Variants in TUBA4A observed in about 807,000 individuals in gnomAD.
TUBA4A encodes the protein tubulin alpha 4a, also known as tubulin alpha-4A chain.
TUBA4A carries 23 observed loss-of-function variants against 34.3 expected under a neutral mutation model. The ratio of observed to expected loss-of-function variants is 0.67; its 90% CI spans 0.48 to 0.95. The LOEUF is 0.95. TUBA4A is among the 40% of genes least tolerant of loss of function. The pLI is 0.00. For synonymous variants in TUBA4A, 216 were observed against 230.5 expected, an observed-to-expected ratio of 0.94 and a Z score of 0.57; for missense variants, 279 against 599.0, an observed-to-expected ratio of 0.47 and a Z score of 5.58.
upstream of TUBA4A, chr2:219,253,942 C>G: frequency 2.0e-6 from 2 of 1,017,236 alleles, no homozygotes; most frequent in Non-Finnish European, 1.3e-6. Flanking sequence ...CCGCACCGCC[C>G]TTATAGGCGG....
At position 219,250,052 on chromosome 2, in the gene TUBA4A, C is replaced by A. The variant is rs952880035; in HGVS notation, c.*300G>T. 47 of 361,294 alleles carry A rather than the reference C, an allele frequency of 1.3e-4. No homozygotes were observed. The highest frequency in any genetic ancestry group is 9.5e-4 in the African/African-American group (46 of 48,658). The allele number at this position is 361,294 out of a possible 1,614,324, so 22.4% of individuals were successfully genotyped here. Reference sequence around the variant, plus strand: ...ACTTGGAAAGGAGCTGAAGACTCATCCTTCAACAGTTTGTGCCTGGATTTT... The same window carrying A: ...ACTTGGAAAGGAGCTGAAGACTCATACTTCAACAGTTTGTGCCTGGATTTT... On this transcript the variant is annotated 3_prime_UTR_variant, in exon 4 of 4. Coordinates refer to ENST00000248437, the MANE Select transcript of TUBA4A (RefSeq NM_006000.3). The surrounding 1 kb of genome is among the most constrained non-coding windows in gnomAD (Gnocchi z 8.4).
Position 219,252,310 on chromosome 2 carries a change from C to A in TUBA4A, c.4-80G>T. On this transcript the variant is annotated intron_variant, in intron 1 of 3. Transcript: ENST00000248437. The surrounding 1 kb of genome is among the most constrained non-coding windows in gnomAD (Gnocchi z 4.1). ...CTTGCGAGTCTCTCTTCCACCCTATCATCTACCAGCTAGGATGACTCAGTT... is the reference window on the plus strand; with the variant it reads ...CTTGCGAGTCTCTCTTCCACCCTATAATCTACCAGCTAGGATGACTCAGTT... 1.5e-6 allele frequency: 2 copies of A among 1,318,294 alleles called. No homozygotes were observed. Among genetic ancestry groups the A allele is most frequent in the Admixed American group, 1.9e-5 (1 of 52,024 alleles). 81.7% of individuals were successfully genotyped at this position (1,318,294 alleles called of 1,614,324 possible).
At chr2:219,253,112 A>G in intron 1 of TUBA4A, 2 of 1,470,828 alleles carry the variant, frequency 1.4e-6, no homozygotes, top group Non-Finnish European at 9.2e-7. Flanking sequence ...GAGTCTTTAC[A>G]GTTATTTCCC....
At chr2:219,253,340 G>C in intron 1 of TUBA4A, 4 of 1,532,130 alleles carry the variant, frequency 2.6e-6, no homozygotes, top group Non-Finnish European at 3.5e-6. Flanking sequence ...GCTCAGACGC[G>C]GGGTGCTGAG....
rs897687526 is a variant in TUBA4A at position 219,252,709 on chromosome 2, T to C, written c.4-479A>G. 2.2e-6 allele frequency: 1 copy of C among 453,810 alleles called. No homozygotes were observed. The highest frequency in any genetic ancestry group is 3.3e-4 in the Middle Eastern group (1 of 2,992). The allele number at this position is 453,810 out of a possible 1,614,324, so 28.1% of individuals were successfully genotyped here. On this transcript the variant is annotated intron_variant, in intron 1 of 3. Transcript: ENST00000248437. The surrounding 1 kb of genome is among the most constrained non-coding windows in gnomAD (Gnocchi z 4.1). ...CCTCCTCCCTCACCTTTAAATCCCA[T>C]CTGGCTCTGGGGATCAATCCCATCT...
upstream of TUBA4A, chr2:219,253,941 C>A: frequency 8.4e-7 from 1 of 1,194,786 alleles, no homozygotes; most frequent in Non-Finnish European, 1.1e-6. Context: ...GCCGCACCGC[C>A]CTTATAGGCG....
In TUBA4A at chr2:219,251,494, A is replaced by T. The variant is rs1951646453; in HGVS notation, c.375+71T>A. On this transcript the variant is annotated intron_variant, in intron 3 of 3. Coordinates refer to ENST00000248437, the MANE Select transcript of TUBA4A (RefSeq NM_006000.3). The surrounding 1 kb of genome is among the most constrained non-coding windows in gnomAD (Gnocchi z 6.1). The stretch of plus-strand genomic sequence containing the variant: ...TAGTTAGAGATGACCTCCTGAAAGG[A>T]TCTGAAAAAAAATATTCCTGACCAT... The T allele has an allele frequency of 2.6e-6, 4 of 1,568,388 alleles. No homozygotes were observed. The highest frequency in any genetic ancestry group is 3.5e-6 in the Non-Finnish European group (4 of 1,153,338).
Position 219,253,234 on chromosome 2 carries a change from G to T in TUBA4A, c.3+622C>A. The T allele has an allele frequency of 2.7e-6, 4 of 1,494,882 alleles. No individual in the cohort carries two copies. The South Asian group carries it at 5.3e-5, about 20-fold the overall frequency. 92.6% of individuals were successfully genotyped at this position (1,494,882 alleles called of 1,614,324 possible). A position where few individuals can be genotyped will look rare whatever the true frequency, so the allele number is the denominator to read the frequency against. ...CTGGCCTCGGCCCGCGCAGTGCTCA[G>T]CGCCAGCTGTCTCTGCCCATCCGCG... On this transcript the variant is annotated intron_variant, in intron 1 of 3. Transcript: ENST00000248437.
Position 219,251,583 on chromosome 2 carries a change from C to T in TUBA4A, c.357G>A (p.Leu119=), listed in dbSNP as rs1559276568. 1.2e-6 allele frequency: 2 copies of T among 1,614,024 alleles called. No homozygotes were observed. Among genetic ancestry groups the T allele is most frequent in the South Asian group, 1.1e-5 (1 of 91,068 alleles). ...CTCTCACCAGCTTGCGGATCCGATC[C>T]AGCACTGGGTCAATGATCTCCTTGC... ...TIGKEIIDPV[L]DRIRKLSDQC... is the part of the protein sequence containing the mutation. Residue 119 remains leucine (L), a synonymous_variant, in exon 3 of 4, where the codon CTG becomes CTA. Coordinates refer to ENST00000248437, the MANE Select transcript of TUBA4A (RefSeq NM_006000.3). This position sits in a 1 kb window ranked among gnomAD's most constrained non-coding sequence, Gnocchi z 6.1.
chr2:219,253,338 G>A (rs572110487), intron 1 of TUBA4A: 3 of 1,531,880 alleles, frequency 2.0e-6, no homozygotes, highest in African/African-American at 2.8e-5. Context: ...CAGCTCAGAC[G>A]CGGGGTGCTG....
At chr2:219,253,337 C>G in intron 1 of TUBA4A, 4 of 1,530,356 alleles carry the variant, frequency 2.6e-6, no homozygotes, top group Non-Finnish European at 3.5e-6. Context: ...TCAGCTCAGA[C>G]GCGGGGTGCT....
rs1235266698 is a variant in TUBA4A at position 219,250,754 on chromosome 2, G to A, written c.945C>T (p.Cys315=). 1 of 1,614,256 alleles carries A rather than the reference G, an allele frequency of 6.2e-7. No individual in the cohort carries two copies. Among genetic ancestry groups the A allele is most frequent in the Non-Finnish European group, 8.5e-7 (1 of 1,180,048 alleles). Residue 315 remains cysteine, a synonymous_variant, in exon 4 of 4, where the codon TGC becomes TGT. Transcript: ENST00000248437. This position sits in a 1 kb window ranked among gnomAD's most constrained non-coding sequence, Gnocchi z 8.4. ...CDPRHGKYMA[C]CLLYRGDVVP... ...CCACATCTCCACGGTACAGCAGGCA[G>A]CAGGCCATGTACTTGCCGTGCCGGG... is the stretch of plus-strand genomic sequence containing the variant.
chr2:219,253,702 C>T (rs1951687330), intron 1 of TUBA4A, among the ~76,000 whole-genome samples, 154 bp downstream of exon 1: 1 of 152,232 alleles, frequency 6.6e-6, no homozygotes, highest in African/African-American at 2.4e-5. Flanking sequence ...CCAAAGTCAC[C>T]AGGAGGGGGT....
upstream of TUBA4A, chr2:219,254,082 G>C (rs565908522): frequency 6.5e-5 from 29 of 444,916 alleles, no homozygotes; most frequent in African/African-American, 4.7e-4. Flanking sequence ...CAAGCTGCGC[G>C]GGGGTCCCTC....
upstream of TUBA4A, chr2:219,254,312 C>G (rs1040276633): frequency 1.3e-5 from 2 of 156,170 alleles, no homozygotes; most frequent in African/African-American, 4.8e-5. Flanking sequence ...CCACAGCTGG[C>G]CTTCACCCCT....
chr2:219,253,750 G>T, intron 1 of TUBA4A, 106 bp downstream of exon 1: 1 of 1,377,704 alleles, frequency 7.3e-7, no homozygotes, highest in South Asian at 1.3e-5. Flanking sequence ...ACCTCCTGGA[G>T]ACCCGGAACG....
chr2:219,253,340 G>A, intron 1 of TUBA4A: 1 of 1,532,128 alleles, frequency 6.5e-7, no homozygotes, highest in Non-Finnish European at 8.7e-7. Context: ...GCTCAGACGC[G>A]GGGTGCTGAG....
Position 219,251,395 on chromosome 2 carries a change from T to A in TUBA4A, c.376-72A>T. The A allele has an allele frequency of 6.5e-7, 1 of 1,544,442 alleles. No homozygotes were observed. ...TGAGGGACTCTATCACCTGGCTCCA[T>A]AAAGCGTAAGATACATCAGCAGTCA... On this transcript the variant is annotated intron_variant, in intron 3 of 3. Coordinates refer to ENST00000248437, the MANE Select transcript of TUBA4A (RefSeq NM_006000.3). The surrounding 1 kb of genome is among the most constrained non-coding windows in gnomAD (Gnocchi z 6.1).
Position 219,251,089 on chromosome 2 carries a change from C to T in TUBA4A, c.610G>A (p.Val204Met). 6.2e-7 allele frequency: 1 copy of T among 1,614,188 alleles called. No homozygotes were observed. Among genetic ancestry groups the T allele is most frequent in the South Asian group, 1.1e-5 (1 of 91,078 alleles). ...TLEHSDCAFM[V>M]DNEAIYDICR... Reference sequence around the variant, plus strand: ...ATGTCATAGATTGCTTCGTTGTCCACCATGAAGGCACAGTCTGAGTGCTCC... The same window carrying T: ...ATGTCATAGATTGCTTCGTTGTCCATCATGAAGGCACAGTCTGAGTGCTCC... The change falls in exon 4 of 4, where the codon GTG becomes ATG. Residue 204 changes from valine to methionine, a missense_variant. Coordinates refer to ENST00000248437, the MANE Select transcript of TUBA4A (RefSeq NM_006000.3). This position sits in a 1 kb window ranked among gnomAD's most constrained non-coding sequence, Gnocchi z 6.1.
Sources: allele counts gnomAD v4.1 joint callset (sites outside exome capture counted in the v4.1 genomes callset), GRCh38; gene constraint gnomAD v4.1.1; non-coding constraint Gnocchi (gnomAD v3.1); transcripts MANE v1.5; gene names NCBI Gene and HGNC (gene_info 2026-07-23, HGNC 2026-07-21).